SOCS5: variants seen among roughly 807,000 people sequenced by gnomAD.
SOCS5 encodes suppressor of cytokine signaling 5, also known as CIS-6.
SOCS5 carries 32 observed loss-of-function variants against 42.8 expected under a neutral mutation model. That is an observed-to-expected ratio of 0.75 (90% CI 0.56 to 1.01). The LOEUF (loss-of-function observed/expected upper bound fraction) is 1.01, where lower values mean the gene tolerates loss of function less well. SOCS5 is among the 50% of genes least tolerant of loss of function. The pLI is 0.00. For missense variants in SOCS5, 627 were observed against 653.0 expected (o/e 0.96, Z 0.43); for synonymous variants, 283 against 229.6 (o/e 1.23, Z -2.10).
chr2:46,705,275 G>A (rs1296041290), intron 1 of SOCS5, among the ~76,000 whole-genome samples: 1 of 152,126 alleles, frequency 6.6e-6, no homozygotes, highest in African/African-American at 2.4e-5. Context: ...ATTGAGCTTG[G>A]GATTGGCATC....
intron 1 of SOCS5, among the ~76,000 whole-genome samples, chr2:46,710,056 C>G (rs1220195260): frequency 6.6e-6 from 1 of 152,194 alleles, no homozygotes; most frequent in African/African-American, 2.4e-5. Flanking sequence ...ATGTAGTCCT[C>G]AGACCAAAGT....
chr2:46,761,503 A>C lies in SOCS5; in HGVS notation c.*1362A>C, dbSNP rs1572850815. 6.0e-6 allele frequency: 1 copy of C among 167,074 alleles called. No homozygotes were observed. The highest frequency in any genetic ancestry group is 6.5e-5 in the Admixed American group (1 of 15,278). The allele number at this position is 167,074 out of a possible 1,614,324, so 10.3% of individuals were successfully genotyped here. A position where few individuals can be genotyped will look rare whatever the true frequency, so the allele number is the denominator to read the frequency against. On this transcript the variant is annotated 3_prime_UTR_variant, in exon 2 of 2. Transcript: ENST00000394861. ...GCCAAGGCTACAAAAAAGGAAAGCT[A>C]TATTTGTATGCAACACTAACCTTTT...
chr2:46,719,742 A>G lies in SOCS5; in HGVS notation c.-13+20293A>G, dbSNP rs111494183. ...ACCCATAGCAGAAAATTAATAATTA[A>G]AAGTCAAAGCATTGTTGTGGTGAAT... On this transcript the variant is annotated intron_variant, in intron 1 of 1. Coordinates refer to ENST00000394861, the MANE Select transcript of SOCS5 (RefSeq NM_144949.3). 2.8e-3 allele frequency among the ~76,000 whole-genome samples: 423 copies of G among 152,272 alleles called. 3 individuals carry two copies. Among genetic ancestry groups the G allele is most frequent in the African/African-American group, 9.5e-3 (395 of 41,548 alleles).
At chr2:46,735,948 A>G (rs556081062) in intron 1 of SOCS5, among the ~76,000 whole-genome samples, 34 of 152,170 alleles carry the variant, frequency 2.2e-4, no homozygotes, top group Non-Finnish European at 4.4e-4. Context: ...TTATTGTAGT[A>G]AAATATACAA....
intron 1 of SOCS5, among the ~76,000 whole-genome samples, chr2:46,735,117 C>G (rs949231159): frequency 6.6e-6 from 1 of 152,152 alleles, no homozygotes; most frequent in Admixed American, 6.6e-5. Flanking sequence ...TAGCAAGTAA[C>G]AGAGACTTCA....
Position 46,759,592 on chromosome 2 carries a change from G to A in SOCS5, c.1062G>A (p.Gln354=). 2.5e-6 allele frequency: 4 copies of A among 1,613,980 alleles called. No homozygotes were observed. Among genetic ancestry groups the A allele is most frequent in the South Asian group, 1.1e-5 (1 of 91,074 alleles). Residue 354 remains glutamine, a synonymous_variant, in exon 2 of 2, where the codon CAG becomes CAA. Coordinates refer to ENST00000394861, the MANE Select transcript of SOCS5 (RefSeq NM_144949.3). The part of the protein sequence containing the change: ...SGDSHTHVSR[Q]GAWKVHTQID... ...ACAGCCATACCCATGTTAGCAGACA[G>A]GGAGCTTGGAAAGTCCACACACAGA... is the stretch of plus-strand genomic sequence containing the variant.
intron 1 of SOCS5, among the ~76,000 whole-genome samples, chr2:46,729,990 T>C (rs1046493445): frequency 6.6e-6 from 1 of 152,222 alleles, no homozygotes; most frequent in Non-Finnish European, 1.5e-5. Context: ...TGTTAAAGAC[T>C]AAGATACAAA....
Position 46,735,184 on chromosome 2 carries a change from G to A in SOCS5, c.-12-23335G>A, listed in dbSNP as rs531299841. ...TTCCTATCAAAGTTCAGAGTTTGCA[G>A]TGTAGGGCTAAAATGACAGCTCTGC... On this transcript the variant is annotated intron_variant, in intron 1 of 1. Transcript: ENST00000394861. 1.9e-4 allele frequency among the ~76,000 whole-genome samples: 29 copies of A among 152,338 alleles called. No individual in the cohort carries two copies. In the South Asian group the frequency reaches 4.3e-3, roughly 23 times the overall value.
rs148596120 is a variant in SOCS5, at chr2:46,716,815, A to G, written c.-13+17366A>G. On this transcript the variant is annotated intron_variant, in intron 1 of 1. Transcript: ENST00000394861. ...ACTTGAACTTTCAAGTTTTGTTTTC[A>G]GGGTTTTTTGTTTGGGGAATTTTTG... 7.3e-3 allele frequency among the ~76,000 whole-genome samples: 1,119 copies of G among 152,254 alleles called. 36 individuals carry two copies. Among genetic ancestry groups the G allele is most frequent in the Admixed American group, 0.05 (768 of 15,292 alleles).
At chr2:46,739,691 G>A (rs1867820) in intron 1 of SOCS5, among the ~76,000 whole-genome samples, 90,072 of 151,834 alleles carry the variant, frequency 0.59, 27,787 homozygotes, top group African/African-American at 0.7. Flanking sequence ...TTTTGTGAAC[G>A]TCATTTTTTC....
intron 1 of SOCS5, among the ~76,000 whole-genome samples, chr2:46,718,227 A>T (rs927201203): frequency 2.0e-5 from 3 of 152,160 alleles, no homozygotes; most frequent in African/African-American, 4.8e-5. Context: ...TCTGAAAATA[A>T]TATTTCATGT....
chr2:46,729,297 A>C (rs1037456745), intron 1 of SOCS5, among the ~76,000 whole-genome samples: 10 of 152,236 alleles, frequency 6.6e-5, no homozygotes, highest in Non-Finnish European at 1.3e-4. Context: ...TGACTTAAAA[A>C]ATTTAAATGT....
At chr2:46,726,574 C>CA (rs1672995759) in intron 1 of SOCS5, among the ~76,000 whole-genome samples, 1 of 152,022 alleles carries the variant, frequency 6.6e-6, no homozygotes, top group South Asian at 2.1e-4. Flanking sequence ...TTTGATATCC[C>CA]AAAGGTTCTT....
Position 46,760,861 on chromosome 2 carries a change from A to T in SOCS5, c.*720A>T, listed in dbSNP as rs1572850588. ...TTAACTTAAAACAGGCGTTTGGAAT[A>T]GCTGCTGCAATGTAGTCTTGTGTGT... On this transcript the variant is annotated 3_prime_UTR_variant, in exon 2 of 2. Transcript: ENST00000394861. 6.0e-6 allele frequency: 1 copy of T among 167,134 alleles called. No individual in the cohort carries two copies. The highest frequency in any genetic ancestry group is 2.4e-5 in the African/African-American group (1 of 41,456). 10.4% of individuals were successfully genotyped at this position (167,134 alleles called of 1,614,324 possible). A position where few individuals can be genotyped will look rare whatever the true frequency, so the allele number is the denominator to read the frequency against.
At chr2:46,731,396 G>A (rs1281012501) in intron 1 of SOCS5, among the ~76,000 whole-genome samples, 1 of 152,204 alleles carries the variant, frequency 6.6e-6, no homozygotes. Context: ...TAGACTTTCA[G>A]CCTCCAGAAC....
chr2:46,736,378 A>T (rs1259734450), intron 1 of SOCS5, among the ~76,000 whole-genome samples: 1 of 152,160 alleles, frequency 6.6e-6, no homozygotes, highest in East Asian at 1.9e-4. Flanking sequence ...GTTCAGTGGC[A>T]TTAAGCACAT....
At chr2:46,708,731 C>T (rs1010325441) in intron 1 of SOCS5, among the ~76,000 whole-genome samples, 2 of 152,150 alleles carry the variant, frequency 1.3e-5, no homozygotes, top group East Asian at 1.9e-4. Context: ...TTCTTCCTGC[C>T]TTCGGAATCC....
chr2:46,725,025 T>C (rs1672962102), intron 1 of SOCS5, among the ~76,000 whole-genome samples: 1 of 152,112 alleles, frequency 6.6e-6, no homozygotes, highest in Non-Finnish European at 1.5e-5. Flanking sequence ...CTGTTTTTGC[T>C]TCATATATTT....
At chr2:46,706,954 A>G (rs1456996679) in intron 1 of SOCS5, among the ~76,000 whole-genome samples, 1 of 152,244 alleles carries the variant, frequency 6.6e-6, no homozygotes, top group Non-Finnish European at 1.5e-5. Context: ...GAGTGAGATT[A>G]TAAGGATCAC....
Sources: allele counts gnomAD v4.1 joint callset (sites outside exome capture counted in the v4.1 genomes callset), GRCh38; gene constraint gnomAD v4.1.1; transcripts MANE v1.5; gene names NCBI Gene and HGNC (gene_info 2026-07-23, HGNC 2026-07-21).